Variants in NECAB1 observed in about 807,000 individuals in gnomAD.
The protein encoded by NECAB1 is N-terminal EF-hand calcium-binding protein 1.
Under a neutral mutation model 57.5 loss-of-function variants are expected in NECAB1, and 29 were observed. The observed-to-expected ratio is 0.50, with a 90% CI of 0.38 to 0.69. The LOEUF (loss-of-function observed/expected upper bound fraction) is 0.69, where lower values mean the gene tolerates loss of function less well. Among genes scored for constraint, NECAB1 ranks in the 30% least tolerant of loss-of-function variants. The pLI is 0.00. For missense variants in NECAB1, 372 were observed against 413.8 expected, an observed-to-expected ratio of 0.90 and a Z score of 0.88; for synonymous variants, 142 against 147.7, an observed-to-expected ratio of 0.96 and a Z score of 0.28.
chr8:90,793,035 T>G (rs1811601548), intron 1 of NECAB1, among the ~76,000 whole-genome samples: 1 of 152,208 alleles, frequency 6.6e-6, no homozygotes, highest in South Asian at 2.1e-4. Context: ...TGCTCTGTCC[T>G]TTACCCTTCT....
At chr8:90,934,243 T>C in intron 8 of NECAB1, 61 bp from the exon 9 acceptor site, 2 of 1,146,864 alleles carry the variant, frequency 1.7e-6, no homozygotes, top group Non-Finnish European at 2.5e-6. Flanking sequence ...TTTGAATATA[T>C]GGCATTGTTT....
intron 2 of NECAB1, among the ~76,000 whole-genome samples, chr8:90,822,374 A>G (rs1018010549): frequency 1.3e-5 from 2 of 151,944 alleles, no homozygotes; most frequent in African/African-American, 2.4e-5. Flanking sequence ...CTTCAAAAGT[A>G]ACTCTTTGCA....
At chr8:90,846,500 G>A (rs4452761) in intron 3 of NECAB1, among the ~76,000 whole-genome samples, 46,512 of 152,130 alleles carry the variant, frequency 0.31, 8,109 homozygotes, top group East Asian at 0.73. Flanking sequence ...GCCTCAAAAA[G>A]CTACCTTAGT....
chr8:90,840,335 C>A (rs976646495), intron 3 of NECAB1, among the ~76,000 whole-genome samples: 5 of 152,196 alleles, frequency 3.3e-5, no homozygotes, highest in African/African-American at 1.2e-4. Context: ...TTAATCTTTA[C>A]AACAGATCTA....
chr8:90,951,020 A>C (rs748830351), intron 11 of NECAB1, 93 bp from the exon 12 acceptor site: 46 of 615,096 alleles, frequency 7.5e-5, no homozygotes, highest in Non-Finnish European at 1.1e-4. Context: ...AAATCATCCC[A>C]AACTTTGCCA....
chr8:90,949,935 T>C (rs1250560268), intron 11 of NECAB1, 51 bp downstream of exon 11: 5 of 1,099,340 alleles, frequency 4.5e-6, no homozygotes, highest in Non-Finnish European at 6.8e-6. Context: ...GGTGGCAATA[T>C]GCATGATGTA....
intron 2 of NECAB1, among the ~76,000 whole-genome samples, chr8:90,817,975 T>C (rs1281295216): frequency 6.6e-6 from 1 of 151,874 alleles, no homozygotes; most frequent in Non-Finnish European, 1.5e-5. Context: ...TAACTGATTA[T>C]TTAATATATA....
intron 1 of NECAB1, among the ~76,000 whole-genome samples, chr8:90,796,917 TATGAA>T (rs780057336): frequency 3.3e-4 from 50 of 152,260 alleles, no homozygotes; most frequent in Non-Finnish European, 6.9e-4. Flanking sequence ...GATTGTTCTT[TATGAA>T]ATGAAATGAA....
In NECAB1 at chr8:90,922,734, C is replaced by T. The variant is rs565318123; in HGVS notation, c.495-2801C>T. Among the ~76,000 whole-genome samples, 3 of 152,046 alleles carry T rather than the reference C, an allele frequency of 2.0e-5. No homozygotes were observed. In the South Asian group the frequency reaches 6.2e-4, roughly 32 times the overall value. On this transcript the variant is annotated intron_variant, in intron 6 of 12. Transcript: ENST00000417640. ...TTTTGAACTCCTGACCTCAGGTGAT[C>T]CACCTGCCTGAGCCTCCCAAAGTGC...
chr8:90,874,579 G>C (rs940521478), intron 4 of NECAB1, among the ~76,000 whole-genome samples: 1 of 152,122 alleles, frequency 6.6e-6, no homozygotes, highest in African/African-American at 2.4e-5. Context: ...ATATATATGT[G>C]TACGTGTTGT....
At chr8:90,896,722 A>G (rs1304944559) in intron 5 of NECAB1, among the ~76,000 whole-genome samples, 1 of 152,120 alleles carries the variant, frequency 6.6e-6, no homozygotes, top group Non-Finnish European at 1.5e-5. Flanking sequence ...ATCTTTTTCG[A>G]TTATCTACTC....
chr8:90,807,229 C>T (rs1243376421), intron 2 of NECAB1, among the ~76,000 whole-genome samples: 1 of 152,018 alleles, frequency 6.6e-6, no homozygotes. Context: ...AAATCCTAGC[C>T]TAAGAATAGT....
chr8:90,921,501 T>C (rs1265718635), intron 6 of NECAB1, among the ~76,000 whole-genome samples: 1 of 151,908 alleles, frequency 6.6e-6, no homozygotes, highest in Non-Finnish European at 1.5e-5. Context: ...AAATCCTGTC[T>C]CTACTCAAAA....
At chr8:90,802,450 T>C (rs1811774077) in intron 2 of NECAB1, among the ~76,000 whole-genome samples, 1 of 152,194 alleles carries the variant, frequency 6.6e-6, no homozygotes, top group South Asian at 2.1e-4. Flanking sequence ...TGTTTTGTTT[T>C]TGTTTTGTTT....
intron 5 of NECAB1, among the ~76,000 whole-genome samples, chr8:90,886,994 A>G (rs1344648864): frequency 6.6e-6 from 1 of 152,166 alleles, no homozygotes; most frequent in Non-Finnish European, 1.5e-5. Flanking sequence ...ATAAATGGCC[A>G]CCCTCTCTAA....
intron 3 of NECAB1, among the ~76,000 whole-genome samples, chr8:90,859,978 A>G (rs1002629752): frequency 2.6e-5 from 4 of 152,152 alleles, no homozygotes; most frequent in African/African-American, 9.7e-5. Flanking sequence ...CAACTTTACA[A>G]GTGAGCCTCA....
At chr8:90,869,483 C>T (rs1027820106) in intron 3 of NECAB1, among the ~76,000 whole-genome samples, 2 of 152,212 alleles carry the variant, frequency 1.3e-5, no homozygotes, top group Non-Finnish European at 2.9e-5. Flanking sequence ...AGGGCTGAAG[C>T]TGTCCAAGGC....
In NECAB1 at chr8:90,821,314, A is replaced by G. The variant is rs577301203; in HGVS notation, c.125-3403A>G. Among the ~76,000 whole-genome samples the G allele has an allele frequency of 2.0e-5, 3 of 151,998 alleles. No individual in the cohort carries two copies. The South Asian group carries it at 6.2e-4, about 32-fold the overall frequency. On this transcript the variant is annotated intron_variant, in intron 2 of 12. Coordinates refer to ENST00000417640, the MANE Select transcript of NECAB1 (RefSeq NM_022351.5). ...CCATCTGTTGCTCAGTTTGGAAAGC[A>G]AGTCTTATCCACACTAAGGTTTCCA...
chr8:90,829,730 A>G (rs187104373), intron 3 of NECAB1, among the ~76,000 whole-genome samples: 200 of 152,160 alleles, frequency 1.3e-3, no homozygotes, highest in African/African-American at 4.6e-3. Context: ...AAATATCACC[A>G]CCTACTAAAA....
Sources: allele counts gnomAD v4.1 joint callset (sites outside exome capture counted in the v4.1 genomes callset), GRCh38; gene constraint gnomAD v4.1.1; transcripts MANE v1.5; gene names NCBI Gene and HGNC (gene_info 2026-07-23, HGNC 2026-07-21).